The following LYRM4 variants were observed in gnomAD, a reference collection of about 807,000 sequenced individuals.
LYRM4 encodes the protein LYR motif containing 4.
A neutral mutation model predicts 11.7 loss-of-function variants in LYRM4; 9 were observed. The ratio of observed to expected loss-of-function variants is 0.77; its 90% CI spans 0.46 to 1.34. LYRM4 has a LOEUF of 1.34. Ranked by LOEUF, LYRM4 falls within the 40% of genes most tolerant of loss-of-function variation. The pLI, the probability that LYRM4 is intolerant of heterozygous loss-of-function variation, is 0.00. For missense variants in LYRM4, 133 were observed against 112.5 expected, an observed-to-expected ratio of 1.18 and a Z score of -0.82; for synonymous variants, 42 against 40.4, an observed-to-expected ratio of 1.04 and a Z score of -0.15.
intron 2 of LYRM4, among the ~76,000 whole-genome samples, chr6:5,169,106 T>C (rs942034779): frequency 6.6e-6 from 1 of 152,188 alleles, no homozygotes; most frequent in Non-Finnish European, 1.5e-5. Context: ...TTTTTAACTT[T>C]TTTTTTGAGA....
At chr6:5,051,957 T>G in the LYRM4 span, among the ~76,000 whole-genome samples, 1 of 152,116 alleles carries the variant, frequency 6.6e-6, no homozygotes, top group Non-Finnish European at 1.5e-5. Flanking sequence ...GAACTCACCC[T>G]CCCTGTGACT....
intron 2 of LYRM4, among the ~76,000 whole-genome samples, chr6:5,158,643 A>T (rs974099379): frequency 4.6e-5 from 7 of 151,914 alleles, no homozygotes; most frequent in African/African-American, 1.7e-4. Flanking sequence ...TGCCCGACTA[A>T]TGTTTTACTT....
chr6:5,225,247 CAAA>C (rs35803077), intron 1 of LYRM4, among the ~76,000 whole-genome samples: 4 of 77,002 alleles, frequency 5.2e-5, no homozygotes, highest in African/African-American at 5.4e-5. Flanking sequence ...GACTCCGAAT[CAAA>C]AAAAAAAAAA....
At chr6:5,258,859 G>T (rs1305214552) in intron 1 of LYRM4, among the ~76,000 whole-genome samples, 1 of 152,172 alleles carries the variant, frequency 6.6e-6, no homozygotes, top group Non-Finnish European at 1.5e-5. Flanking sequence ...TTCAGGTAGA[G>T]TCTTGAATGA....
At chr6:5,054,054 T>G in the LYRM4 span, 1 of 910,526 alleles carries the variant, frequency 1.1e-6, no homozygotes, top group Non-Finnish European at 1.3e-6. Context: ...TACACAATGT[T>G]TTCTAGCTTA....
At chr6:5,097,211 G>T in the LYRM4 span, among the ~76,000 whole-genome samples, 8 of 152,122 alleles carry the variant, frequency 5.3e-5, no homozygotes, top group Non-Finnish European at 7.3e-5. Context: ...GGCCGAGCAG[G>T]CTTGCTCAGG....
chr6:5,046,435 T>A, the LYRM4 span, among the ~76,000 whole-genome samples: 1 of 152,166 alleles, frequency 6.6e-6, no homozygotes, highest in Non-Finnish European at 1.5e-5. Flanking sequence ...TATTCCACTA[T>A]TTTTTATCAT....
intron 2 of LYRM4, among the ~76,000 whole-genome samples, chr6:5,154,906 G>C (rs932565706): frequency 5.3e-5 from 8 of 152,146 alleles, no homozygotes; most frequent in Non-Finnish European, 8.8e-5. Flanking sequence ...GTGTCAGAGG[G>C]GGGCATCAGG....
At chr6:5,147,657 C>T (rs1011254330) in intron 2 of LYRM4, among the ~76,000 whole-genome samples, 1 of 152,198 alleles carries the variant, frequency 6.6e-6, no homozygotes, top group African/African-American at 2.4e-5. Flanking sequence ...AGACAGGAAA[C>T]AGGGATACTA....
chr6:5,162,257 G>C (rs762091808), intron 2 of LYRM4, among the ~76,000 whole-genome samples: 2 of 152,242 alleles, frequency 1.3e-5, no homozygotes, highest in Admixed American at 6.5e-5. Flanking sequence ...TATCAGAGCA[G>C]AATGTTTTAA....
the LYRM4 span, among the ~76,000 whole-genome samples, chr6:5,048,603 G>A: frequency 1.3e-5 from 2 of 152,188 alleles, no homozygotes; most frequent in African/African-American, 4.8e-5. Context: ...CTACCAAAGA[G>A]CTGGGATTAC....
At chr6:5,118,542 A>G (rs1040436087) in intron 2 of LYRM4, among the ~76,000 whole-genome samples, 18 of 152,168 alleles carry the variant, frequency 1.2e-4, no homozygotes, top group African/African-American at 4.3e-4. Flanking sequence ...GGCTTATGAC[A>G]AGGCTGGACA....
chr6:5,126,461 T>C (rs373056177), intron 2 of LYRM4, among the ~76,000 whole-genome samples: 49 of 152,248 alleles, frequency 3.2e-4, no homozygotes, highest in African/African-American at 1.1e-3. Context: ...TGAAGTACAG[T>C]GCAAGAATGA....
At chr6:5,152,481 T>TA (rs940019937) in intron 2 of LYRM4, among the ~76,000 whole-genome samples, 1 of 152,126 alleles carries the variant, frequency 6.6e-6, no homozygotes, top group Admixed American at 6.5e-5. Flanking sequence ...AATATTTTTT[T>TA]AAAAACTATA....
intron 1 of LYRM4, among the ~76,000 whole-genome samples, chr6:5,251,747 T>C (rs939636941): frequency 1.3e-5 from 2 of 152,214 alleles, no homozygotes; most frequent in Admixed American, 6.5e-5. Context: ...TATCATTGCA[T>C]GCTAGCCTTC....
chr6:5,204,085 C>A (rs1056152321), intron 2 of LYRM4, among the ~76,000 whole-genome samples: 3 of 152,122 alleles, frequency 2.0e-5, no homozygotes, highest in African/African-American at 7.2e-5. Flanking sequence ...GAAAGAGTCC[C>A]ACAGAAAGTC....
chr6:5,214,086 G>A (rs1249517288), intron 2 of LYRM4, among the ~76,000 whole-genome samples: 2 of 152,368 alleles, frequency 1.3e-5, no homozygotes, highest in Non-Finnish European at 2.9e-5. Context: ...TGATGACAGC[G>A]ACAGGGGAGA....
At chr6:5,044,036 G>A in the LYRM4 span, among the ~76,000 whole-genome samples, 1 of 152,136 alleles carries the variant, frequency 6.6e-6, no homozygotes, top group African/African-American at 2.4e-5. Context: ...CTTGGGAACT[G>A]TGTGAAACTA....
At chr6:5,083,216 G>A in the LYRM4 span, among the ~76,000 whole-genome samples, 1 of 152,220 alleles carries the variant, frequency 6.6e-6, no homozygotes, top group African/African-American at 2.4e-5. Context: ...GTAGCCCAAA[G>A]GGTCGCCACC....
Sources: allele counts gnomAD v4.1 joint callset (sites outside exome capture counted in the v4.1 genomes callset), GRCh38; gene constraint gnomAD v4.1.1; transcripts MANE v1.5; gene names NCBI Gene and HGNC (gene_info 2026-07-23, HGNC 2026-07-21).